Variants in PLCL1 observed in about 807,000 individuals in gnomAD.
The protein encoded by PLCL1 is phospholipase C like 1 (inactive).
PLCL1 carries 41 observed loss-of-function variants against 84.4 expected under a neutral mutation model. That is an observed-to-expected ratio of 0.49 (90% CI 0.38 to 0.63). The LOEUF is 0.63. PLCL1 is among the 30% of genes least tolerant of loss of function. PLCL1 has a pLI of 0.00. For synonymous variants in PLCL1, 490 were observed against 488.3 expected, an observed-to-expected ratio of 1.00 and a Z score of -0.05; for missense variants, 1,206 against 1,367.8, an observed-to-expected ratio of 0.88 and a Z score of 1.87.
At position 197,890,003 on chromosome 2, in the gene PLCL1, T is replaced by C. The variant is rs560821438; in HGVS notation, c.240+84664T>C. Among the ~76,000 whole-genome samples the C allele has an allele frequency of 3.3e-4, 51 of 152,288 alleles. No homozygotes were observed. The South Asian group carries it at 4.4e-3, about 13-fold the overall frequency. On this transcript the variant is annotated intron_variant, in intron 1 of 5. Transcript: ENST00000428675. ...ATTTGGTGATAGTAAGAGAAGGTCA[T>C]TGACATCAGCTTGCATACGCAGCTT...
At chr2:197,919,075 G>A (rs532949434) in intron 1 of PLCL1, among the ~76,000 whole-genome samples, 1 of 151,852 alleles carries the variant, frequency 6.6e-6, no homozygotes, top group African/African-American at 2.4e-5. Context: ...GAAGGAACAA[G>A]GCAGATGCTA....
At chr2:197,845,991 A>G (rs949840374) in intron 1 of PLCL1, among the ~76,000 whole-genome samples, 8 of 152,162 alleles carry the variant, frequency 5.3e-5, no homozygotes, top group Non-Finnish European at 4.4e-5. Context: ...TAGGGTCCAC[A>G]GACTAGGAAA....
rs1689619931 is a variant in PLCL1 at position 197,961,416 on chromosome 2, A to C, written c.241-122342A>C. Among the ~76,000 whole-genome samples, 3 of 151,876 alleles carry C rather than the reference A, an allele frequency of 2.0e-5. No homozygotes were observed. The South Asian group carries it at 6.2e-4, about 32-fold the overall frequency. ...ATCAGGATCATTATTAACTCTAGCC[A>C]GTTGCTTATTTAAATTTTGAATAGA... On this transcript the variant is annotated intron_variant, in intron 1 of 5. Transcript: ENST00000428675.
intron 5 of PLCL1, among the ~76,000 whole-genome samples, chr2:198,118,705 A>G (rs909976507): frequency 1.3e-5 from 2 of 151,966 alleles, no homozygotes; most frequent in African/African-American, 4.8e-5. Flanking sequence ...GAGCTGCTGC[A>G]TACTCCTATG....
intron 1 of PLCL1, among the ~76,000 whole-genome samples, chr2:197,884,333 T>C (rs1014731348): frequency 2.0e-5 from 3 of 152,180 alleles, no homozygotes; most frequent in African/African-American, 7.2e-5. Context: ...AGATGGGGCA[T>C]AGGGCAAAAA....
intron 1 of PLCL1, among the ~76,000 whole-genome samples, chr2:198,013,842 G>A (rs1690926974): frequency 1.3e-5 from 2 of 152,000 alleles, no homozygotes; most frequent in Admixed American, 1.3e-4. Flanking sequence ...TCTTCCTTTG[G>A]TATGAATACT....
chr2:197,889,710 GT>G (rs902368838), intron 1 of PLCL1, among the ~76,000 whole-genome samples: 8 of 151,134 alleles, frequency 5.3e-5, no homozygotes, highest in South Asian at 2.1e-4. Context: ...ATTTATTTCA[GT>G]TTTTTTTTCT....
At chr2:197,807,990 A>G (rs1031313710) in intron 1 of PLCL1, among the ~76,000 whole-genome samples, 2 of 152,196 alleles carry the variant, frequency 1.3e-5, no homozygotes, top group African/African-American at 4.8e-5. Context: ...AGTTGAAAAA[A>G]CAATTTTCTT....
chr2:197,990,836 G>A (rs1690332106), intron 1 of PLCL1, among the ~76,000 whole-genome samples: 1 of 152,166 alleles, frequency 6.6e-6, no homozygotes, highest in Non-Finnish European at 1.5e-5. Context: ...TAAAGTTTAA[G>A]TGGAAATGTA....
At chr2:198,041,549 G>A (rs1207133699) in intron 1 of PLCL1, among the ~76,000 whole-genome samples, 2 of 152,134 alleles carry the variant, frequency 1.3e-5, no homozygotes, top group Non-Finnish European at 2.9e-5. Context: ...TCTGAGGCAT[G>A]GTTCAAGTCT....
At chr2:197,972,076 G>GTC (rs1689879944) in intron 1 of PLCL1, among the ~76,000 whole-genome samples, 1 of 152,168 alleles carries the variant, frequency 6.6e-6, no homozygotes, top group Admixed American at 6.5e-5. Context: ...ATGACACAGG[G>GTC]AAGTAGCTGA....
chr2:197,949,294 T>C (rs979965542), intron 1 of PLCL1, among the ~76,000 whole-genome samples: 1 of 152,108 alleles, frequency 6.6e-6, no homozygotes, highest in African/African-American at 2.4e-5. Context: ...CCAGACTATA[T>C]TCAGATGCCC....
chr2:197,927,868 A>G (rs776135369), intron 1 of PLCL1, among the ~76,000 whole-genome samples: 1 of 152,222 alleles, frequency 6.6e-6, no homozygotes, highest in Non-Finnish European at 1.5e-5. Flanking sequence ...GATGACTAGC[A>G]TTAGTGACGT....
chr2:198,049,469 C>G (rs868838216), intron 1 of PLCL1, among the ~76,000 whole-genome samples: 3 of 152,012 alleles, frequency 2.0e-5, no homozygotes, highest in African/African-American at 7.3e-5. Context: ...AAGGCAAGAC[C>G]CCTTCTCTTA....
chr2:198,127,328 T>G (rs1369071528), intron 5 of PLCL1, among the ~76,000 whole-genome samples: 1 of 152,192 alleles, frequency 6.6e-6, no homozygotes, highest in Non-Finnish European at 1.5e-5. Flanking sequence ...GAGCTTTACA[T>G]CATGTTAGAT....
intron 1 of PLCL1, among the ~76,000 whole-genome samples, chr2:197,971,001 TAAG>T (rs1364996678): frequency 6.6e-6 from 1 of 152,268 alleles, no homozygotes; most frequent in Non-Finnish European, 1.5e-5. Flanking sequence ...TATGCTATAA[TAAG>T]AAGGCTGGGG....
intron 1 of PLCL1, among the ~76,000 whole-genome samples, chr2:197,915,621 A>G (rs1688582222): frequency 6.6e-6 from 1 of 151,564 alleles, no homozygotes; most frequent in Non-Finnish European, 1.5e-5. Flanking sequence ...TTTCTTCTTC[A>G]TAGCATGTGC....
chr2:198,063,349 G>C (rs1421950713), intron 1 of PLCL1, among the ~76,000 whole-genome samples: 1 of 152,102 alleles, frequency 6.6e-6, no homozygotes, highest in Non-Finnish European at 1.5e-5. Context: ...TCAAGGGAGA[G>C]TGAGTGGTCT....
intron 1 of PLCL1, among the ~76,000 whole-genome samples, chr2:198,033,260 T>C (rs1691468053): frequency 6.6e-6 from 1 of 152,186 alleles, no homozygotes; most frequent in Non-Finnish European, 1.5e-5. Flanking sequence ...TGAGGCCTTA[T>C]CTTAATTAAA....
Sources: gnomAD v4.1 joint callset for allele counts (sites outside exome capture counted in the v4.1 genomes callset) on GRCh38, gnomAD v4.1.1 for gene constraint, MANE v1.5 for transcripts, NCBI Gene and HGNC (gene_info 2026-07-23, HGNC 2026-07-21) for gene names.